CEACAM8: variants seen among roughly 807,000 people sequenced by gnomAD.
CEACAM8 encodes the protein cell adhesion molecule CEACAM8.
Under a neutral mutation model 33.4 loss-of-function variants are expected in CEACAM8, and 31 were observed. The observed-to-expected ratio is 0.93, with a 90% confidence interval of 0.70 to 1.25. The LOEUF (loss-of-function observed/expected upper bound fraction) is 1.25. CEACAM8 is among the 50% of genes most tolerant of loss of function. The pLI is 0.00. For missense variants in CEACAM8, 388 were observed against 434.6 expected (o/e 0.89, Z 0.95); for synonymous variants, 138 against 164.5 (o/e 0.84, Z 1.23).
rs1217454626 is a variant in CEACAM8, at chr19:42,594,025, A to G, written c.65-125T>C. 5 of 1,015,580 alleles carry G rather than the reference A, an allele frequency of 4.9e-6. No homozygotes were observed. The East Asian group carries it at 9.8e-5, about 20-fold the overall frequency. The allele number at this position is 1,015,580 out of a possible 1,614,324, so 62.9% of individuals were successfully genotyped here. A position where few individuals can be genotyped will look rare whatever the true frequency, so the allele number is the denominator to read the frequency against. The stretch of plus-strand genomic sequence containing the variant: ...TATGTGTGTGTGTCCTACTGAGTCA[A>G]TGTCAGCAGCACAGCCCCCATTTCT... On this transcript the variant is annotated intron_variant, in intron 1 of 5. Transcript: ENST00000244336.
At chr19:42,591,925 C>T (rs929596533) in intron 2 of CEACAM8, among the ~76,000 whole-genome samples, 2 of 152,158 alleles carry the variant, frequency 1.3e-5, no homozygotes, top group African/African-American at 4.8e-5. Flanking sequence ...CTTTTGTCCT[C>T]CCATGGGAGT....
chr19:42,593,471 G>T, intron 2 of CEACAM8, 70 bp downstream of exon 2: 1 of 1,521,934 alleles, frequency 6.6e-7, no homozygotes, highest in African/African-American at 1.4e-5. Context: ...GCACAGCCCA[G>T]GCCTAACAAT....
chr19:42,591,564 G>A (rs766925549), intron 2 of CEACAM8, among the ~76,000 whole-genome samples: 8 of 152,198 alleles, frequency 5.3e-5, no homozygotes, highest in Non-Finnish European at 1.0e-4. Context: ...ACAGGTATGC[G>A]CAATGCTTTC....
intron 2 of CEACAM8, among the ~76,000 whole-genome samples, chr19:42,592,379 C>A (rs906344949): frequency 6.6e-6 from 1 of 151,928 alleles, no homozygotes; most frequent in Admixed American, 6.6e-5. Flanking sequence ...CCGAGGCAGG[C>A]GGATCATGAG....
chr19:42,585,326 A>C (rs572943812), intron 4 of CEACAM8, among the ~76,000 whole-genome samples: 341 of 148,974 alleles, frequency 2.3e-3, no homozygotes, highest in South Asian at 4.6e-3. Flanking sequence ...AAAAAAAAAA[A>C]AAACAAACAA....
chr19:42,580,329 G>C lies in CEACAM8; in HGVS notation c.*1065C>G, dbSNP rs139996497. On this transcript the variant is annotated 3_prime_UTR_variant, in exon 6 of 6. Coordinates refer to ENST00000244336, the MANE Select transcript of CEACAM8 (RefSeq NM_001816.4). ...AGACAGTGAGAACAAGTGAGTCTAG[G>C]AGTCTGACTCTAAAAGAGACCATAG... 6.6e-6 allele frequency: 1 copy of C among 152,170 alleles called. No homozygotes were observed. Among genetic ancestry groups the C allele is most frequent in the Non-Finnish European group, 1.5e-5 (1 of 68,028 alleles). The allele number at this position is 152,170 out of a possible 1,614,324, so 9.4% of individuals were successfully genotyped here. A position where few individuals can be genotyped will look rare whatever the true frequency, so the allele number is the denominator to read the frequency against.
intron 2 of CEACAM8, 150 bp from the exon 3 acceptor site, chr19:42,589,885 C>G: frequency 1.3e-6 from 2 of 1,482,538 alleles, no homozygotes; most frequent in Non-Finnish European, 1.8e-6. Context: ...GACAGATGCA[C>G]AATGATCGGG....
intron 1 of CEACAM8, 44 bp downstream of exon 1, chr19:42,594,721 T>G: frequency 6.6e-7 from 1 of 1,522,896 alleles, no homozygotes. Context: ...AGCCAGTCAC[T>G]GTGTTTCCTC....
intron 4 of CEACAM8, among the ~76,000 whole-genome samples, chr19:42,587,458 T>C (rs1425006963): frequency 2.0e-5 from 3 of 152,196 alleles, no homozygotes; most frequent in African/African-American, 7.2e-5. Flanking sequence ...GGATGAACCT[T>C]AAAAACATTA....
rs45437495 is a variant in CEACAM8, at chr19:42,589,391, G to C, written c.703+66C>G. 3,053 of 1,609,230 alleles carry C rather than the reference G, an allele frequency of 1.9e-3. 5 individuals are homozygous for C. Among genetic ancestry groups the C allele is most frequent in the Non-Finnish European group, 2.4e-3 (2,880 of 1,176,648 alleles). On this transcript the variant is annotated intron_variant, in intron 3 of 5. Coordinates refer to ENST00000244336, the MANE Select transcript of CEACAM8 (RefSeq NM_001816.4). ...TTTTGGAGCTGAGAGGGACTGAGAG[G>C]CCTGGCCTCTGGCTGCGTGGATTTG...
intron 2 of CEACAM8, among the ~76,000 whole-genome samples, chr19:42,590,708 C>A (rs898367699): frequency 8.5e-5 from 13 of 152,162 alleles, no homozygotes; most frequent in African/African-American, 2.9e-4. Flanking sequence ...ATTCCACTTA[C>A]ATGAGGTTCC....
rs767492576 is a variant in CEACAM8, at chr19:42,589,692, G to A, written c.468C>T (p.Pro156=). The A allele has an allele frequency of 4.5e-5, 73 of 1,614,022 alleles. No individual in the cohort carries two copies. Among genetic ancestry groups the A allele is most frequent in the Admixed American group, 1.5e-4 (9 of 60,008 alleles). The change falls in exon 3 of 6, where the codon CCC becomes CCT. Residue 156 remains proline (P), a synonymous_variant. Transcript: ENST00000244336. Reference sequence around the variant, plus strand: ...AGGCCACAGCATCCTTGTCCTCCACGGGGTTGGAGTTGTTGCTGGAGATGG... The same window carrying A: ...AGGCCACAGCATCCTTGTCCTCCACAGGGTTGGAGTTGTTGCTGGAGATGG... The part of the protein sequence containing the change: ...KPSISSNNSN[P]VEDKDAVAFT...
Position 42,589,446 on chromosome 19 carries a change from A to G in CEACAM8, c.703+11T>C. ...GGTGGCCTGGGCCACAGAGGAACAG[A>G]AGATACTCACAGAGGACATTCAGGG... On this transcript the variant is annotated intron_variant, in intron 3 of 5. Coordinates refer to ENST00000244336, the MANE Select transcript of CEACAM8 (RefSeq NM_001816.4). 1 of 1,614,060 alleles carries G rather than the reference A, an allele frequency of 6.2e-7. No individual in the cohort carries two copies. The highest frequency in any genetic ancestry group is 8.5e-7 in the Non-Finnish European group (1 of 1,179,924).
intron 2 of CEACAM8, among the ~76,000 whole-genome samples, chr19:42,589,992 G>C (rs765680553): frequency 6.6e-6 from 1 of 152,176 alleles, no homozygotes; most frequent in African/African-American, 2.4e-5. Context: ...ACAGACCCAG[G>C]ACTGGGAGTT....
intron 4 of CEACAM8, among the ~76,000 whole-genome samples, chr19:42,586,514 T>G (rs2042339535): frequency 6.6e-6 from 1 of 152,208 alleles, no homozygotes; most frequent in Non-Finnish European, 1.5e-5. Context: ...CAAATGATTT[T>G]GGGAAAGCTG....
chr19:42,585,737 C>A (rs1269602418), intron 4 of CEACAM8, among the ~76,000 whole-genome samples: 1 of 151,934 alleles, frequency 6.6e-6, no homozygotes. Context: ...TATTACAAGT[C>A]CTAGCCAGAG....
intron 2 of CEACAM8, among the ~76,000 whole-genome samples, chr19:42,592,684 T>A (rs1260588071): frequency 6.6e-6 from 1 of 152,164 alleles, no homozygotes; most frequent in Middle Eastern, 3.4e-3. Flanking sequence ...AGGTTTTCTA[T>A]GAATTAGCAT....
intron 4 of CEACAM8, among the ~76,000 whole-genome samples, chr19:42,584,338 C>T (rs2042300881): frequency 6.6e-6 from 1 of 152,182 alleles, no homozygotes; most frequent in Middle Eastern, 3.2e-3. Flanking sequence ...AGGGGCAGCT[C>T]CTATGGGCCA....
chr19:42,588,365 C>T (rs533154072), intron 4 of CEACAM8, among the ~76,000 whole-genome samples: 4 of 152,146 alleles, frequency 2.6e-5, no homozygotes, highest in African/African-American at 7.2e-5. Flanking sequence ...ATTTGGGGAA[C>T]GTTGTGGGCT....
Sources: gnomAD v4.1 joint callset for allele counts (sites outside exome capture counted in the v4.1 genomes callset) on GRCh38, gnomAD v4.1.1 for gene constraint, MANE v1.5 for transcripts, NCBI Gene and HGNC (gene_info 2026-07-23, HGNC 2026-07-21) for gene names.